TRABD2B: variants seen among roughly 807,000 people sequenced by gnomAD.
TRABD2B encodes metalloprotease TIKI2.
In TRABD2B, 14 loss-of-function variants were observed where a neutral mutation model predicts 40.1. That is an observed-to-expected ratio of 0.35 (90% CI 0.23 to 0.55). The LOEUF is 0.55. Ranked by LOEUF, TRABD2B falls within the 20% of genes least tolerant of loss-of-function variation. TRABD2B has a pLI of 0.90. For synonymous variants in TRABD2B, 263 were observed against 277.0 expected (o/e 0.95, Z 0.50); for missense variants, 541 against 648.6 (o/e 0.83, Z 1.80).
intron 2 of TRABD2B, among the ~76,000 whole-genome samples, chr1:47,881,982 C>T (rs1475452603): frequency 6.6e-6 from 1 of 152,158 alleles, no homozygotes; most frequent in Non-Finnish European, 1.5e-5. Context: ...TGACGCATTG[C>T]CTGTGGGGAG....
chr1:47,976,365 T>C (rs1025264209), intron 2 of TRABD2B, among the ~76,000 whole-genome samples: 1 of 152,142 alleles, frequency 6.6e-6, no homozygotes, highest in African/African-American at 2.4e-5. Context: ...CTTGTTTTCA[T>C]TCAGCATTTA....
At chr1:47,903,054 C>G (rs904014943) in intron 2 of TRABD2B, among the ~76,000 whole-genome samples, 22 of 152,114 alleles carry the variant, frequency 1.4e-4, no homozygotes, top group Non-Finnish European at 2.9e-4. Flanking sequence ...CAAGAGTCAC[C>G]TCCCTGGAGG....
At chr1:47,772,108 T>A (rs1471825326) in intron 6 of TRABD2B, among the ~76,000 whole-genome samples, 5 of 151,560 alleles carry the variant, frequency 3.3e-5, no homozygotes, top group Admixed American at 3.3e-4. Context: ...GGCAACCACA[T>A]GGTGCTGGGT....
At chr1:47,929,745 G>GC (rs1645015098) in intron 2 of TRABD2B, among the ~76,000 whole-genome samples, 1 of 152,168 alleles carries the variant, frequency 6.6e-6, no homozygotes, top group Non-Finnish European at 1.5e-5. Flanking sequence ...GGTTAGCACT[G>GC]GAGGAATGCT....
chr1:47,872,818 G>A (rs2124596894), intron 2 of TRABD2B, among the ~76,000 whole-genome samples: 1 of 152,264 alleles, frequency 6.6e-6, no homozygotes, highest in Non-Finnish European at 1.5e-5. Flanking sequence ...AGTTTGACCT[G>A]GGCATGGCTG....
intron 2 of TRABD2B, among the ~76,000 whole-genome samples, chr1:47,931,644 A>ATCTCCCAGCCATACCTGCCT (rs1256008097): frequency 1.3e-5 from 2 of 152,110 alleles, no homozygotes; most frequent in Non-Finnish European, 2.9e-5. Flanking sequence ...CGCAGCTGCC[A>ATCTCCCAGCCATACCTGCCT]TCTCCCAGCC....
chr1:47,962,937 C>T, intron 2 of TRABD2B, among the ~76,000 whole-genome samples: 1 of 152,170 alleles, frequency 6.6e-6, no homozygotes, highest in Non-Finnish European at 1.5e-5. Context: ...AGATGCCATG[C>T]AAGCAGGCCT....
Position 47,930,389 on chromosome 1 carries a change from C to T in TRABD2B, c.666+63645G>A, listed in dbSNP as rs141541874. ...TCTGGATCTGGATCCCTGAGGATAG[C>T]GCTGAGCTCTTGGCTGACTCCAGCT... On this transcript the variant is annotated intron_variant, in intron 2 of 6. Coordinates refer to ENST00000606738, the MANE Select transcript of TRABD2B (RefSeq NM_001194986.2). Among the ~76,000 whole-genome samples the T allele has an allele frequency of 3.7e-4, 56 of 152,290 alleles. 1 individual carries two copies. Among genetic ancestry groups the T allele is most frequent in the East Asian group, 3.3e-3 (17 of 5,160 alleles).
chr1:47,905,791 T>C (rs1383288730), intron 2 of TRABD2B, among the ~76,000 whole-genome samples: 1 of 152,162 alleles, frequency 6.6e-6, no homozygotes, highest in African/African-American at 2.4e-5. Flanking sequence ...CAGTCATACA[T>C]ATTTTGGAGG....
rs538058556 is a variant in TRABD2B, at chr1:47,951,328, C to A, written c.666+42706G>T. ...GGGAGAAACAGACATGGCTTTCTTT[C>A]CACCAACTGCTGCTTAAACAGCCCA... On this transcript the variant is annotated intron_variant, in intron 2 of 6. Coordinates refer to ENST00000606738, the MANE Select transcript of TRABD2B (RefSeq NM_001194986.2). Among the ~76,000 whole-genome samples, 3 of 152,326 alleles carry A rather than the reference C, an allele frequency of 2.0e-5. No homozygotes were observed. The South Asian group carries it at 6.2e-4, about 32-fold the overall frequency.
intron 2 of TRABD2B, among the ~76,000 whole-genome samples, chr1:47,947,401 G>C (rs1645274209): frequency 1.3e-5 from 2 of 152,178 alleles, no homozygotes; most frequent in South Asian, 4.1e-4. Flanking sequence ...ACACCCAGGA[G>C]TGATGGGGCA....
At chr1:47,990,614 T>C (rs78206443) in intron 2 of TRABD2B, among the ~76,000 whole-genome samples, 3,926 of 151,492 alleles carry the variant, frequency 0.026, 118 homozygotes, top group Admixed American at 0.089. Context: ...GTAGTCATTT[T>C]AACCCATCAA....
chr1:47,958,725 C>G (rs887954394), intron 2 of TRABD2B, among the ~76,000 whole-genome samples: 1 of 152,132 alleles, frequency 6.6e-6, no homozygotes, highest in African/African-American at 2.4e-5. Flanking sequence ...TCCTTAGAGA[C>G]CTACAAAGAG....
At chr1:47,904,001 GC>G (rs1644640870) in intron 2 of TRABD2B, among the ~76,000 whole-genome samples, 1 of 152,140 alleles carries the variant, frequency 6.6e-6, no homozygotes, top group African/African-American at 2.4e-5. Flanking sequence ...TTTGGGCCAG[GC>G]CCTATGTGAT....
chr1:47,909,559 A>AGG (rs1644727325), intron 2 of TRABD2B, among the ~76,000 whole-genome samples: 2 of 117,352 alleles, frequency 1.7e-5, no homozygotes, highest in African/African-American at 6.7e-5. Context: ...AAGAAGGAAG[A>AGG]AGGAGGAGGA....
intron 2 of TRABD2B, among the ~76,000 whole-genome samples, chr1:47,827,292 A>G (rs1645189272): frequency 6.6e-6 from 1 of 152,236 alleles, no homozygotes; most frequent in Non-Finnish European, 1.5e-5. Flanking sequence ...ATCTGCAGGC[A>G]GTGCCGAAGA....
intron 3 of TRABD2B, among the ~76,000 whole-genome samples, chr1:47,797,972 G>A (rs1469540123): frequency 1.3e-5 from 2 of 152,086 alleles, no homozygotes; most frequent in Non-Finnish European, 2.9e-5. Context: ...GCTCAGGTCT[G>A]CTGACACCAC....
intron 2 of TRABD2B, among the ~76,000 whole-genome samples, chr1:47,852,613 G>A (rs1252061265): frequency 6.6e-6 from 1 of 152,170 alleles, no homozygotes; most frequent in South Asian, 2.1e-4. Flanking sequence ...CTCAAAGCAC[G>A]CTGTGATTGC....
chr1:47,973,223 A>G (rs1645706343), intron 2 of TRABD2B, among the ~76,000 whole-genome samples: 2 of 152,242 alleles, frequency 1.3e-5, no homozygotes, highest in Non-Finnish European at 2.9e-5. Flanking sequence ...ACAGGCACAC[A>G]GGGCCTGGGC....
Sources: gnomAD v4.1 joint callset for allele counts (sites outside exome capture counted in the v4.1 genomes callset) on GRCh38, gnomAD v4.1.1 for gene constraint, MANE v1.5 for transcripts, NCBI Gene and HGNC (gene_info 2026-07-23, HGNC 2026-07-21) for gene names.